The following DENND1A variants were observed in gnomAD, a reference collection of about 807,000 sequenced individuals.
The protein encoded by DENND1A is DENN domain containing 1A, also known as DENN domain-containing protein 1A.
A neutral mutation model predicts 113.7 loss-of-function variants in DENND1A; 51 were observed. The ratio of observed to expected loss-of-function variants is 0.45; its 90% CI spans 0.36 to 0.57. DENND1A has a LOEUF of 0.57. Among genes scored for constraint, DENND1A ranks in the 20% least tolerant of loss-of-function variants. The pLI is 0.00. For missense variants in DENND1A, 1,258 were observed against 1,395.9 expected (o/e 0.90, Z 1.57); for synonymous variants, 565 against 570.8 (o/e 0.99, Z 0.14).
chr9:123,880,366 A>C (rs1185000860), intron 1 of DENND1A, among the ~76,000 whole-genome samples: 1 of 152,236 alleles, frequency 6.6e-6, no homozygotes, highest in Admixed American at 6.5e-5. Flanking sequence ...GATAATAAGA[A>C]TACTGTGGTT....
chr9:123,522,613 C>G (rs899542952), intron 13 of DENND1A, among the ~76,000 whole-genome samples: 1 of 152,162 alleles, frequency 6.6e-6, no homozygotes, highest in Admixed American at 6.5e-5. Context: ...CAATCAATGT[C>G]CATACTTCAC....
At chr9:123,614,776 C>T (rs1451859019) in intron 10 of DENND1A, among the ~76,000 whole-genome samples, 3 of 152,188 alleles carry the variant, frequency 2.0e-5, no homozygotes, top group Non-Finnish European at 4.4e-5. Flanking sequence ...ATATACACAT[C>T]ACAGTGTCAC....
chr9:123,460,076 T>C (rs563221651), intron 13 of DENND1A, among the ~76,000 whole-genome samples: 37 of 152,318 alleles, frequency 2.4e-4, no homozygotes, highest in Admixed American at 6.5e-4. Flanking sequence ...ATGTCCTATG[T>C]GGCATCTAAG....
At chr9:123,449,108 G>C (rs1479280819) in intron 18 of DENND1A, among the ~76,000 whole-genome samples, 1 of 152,164 alleles carries the variant, frequency 6.6e-6, no homozygotes, top group Non-Finnish European at 1.5e-5. Context: ...GGCTCAAGGT[G>C]GCCCTGGGCA....
intron 1 of DENND1A, among the ~76,000 whole-genome samples, chr9:123,903,099 G>A (rs1210588017): frequency 1.3e-4 from 19 of 151,946 alleles, no homozygotes; most frequent in Admixed American, 3.3e-4. Flanking sequence ...TTGGGAGGCC[G>A]AGGCAGGCGG....
At chr9:123,525,697 C>G (rs2054775052) in intron 13 of DENND1A, among the ~76,000 whole-genome samples, 1 of 152,010 alleles carries the variant, frequency 6.6e-6, no homozygotes, top group African/African-American at 2.4e-5. Flanking sequence ...ATGGGTAAAT[C>G]CCCCAGCATT....
intron 2 of DENND1A, among the ~76,000 whole-genome samples, chr9:123,864,817 T>C (rs1845594351): frequency 6.6e-6 from 1 of 152,164 alleles, no homozygotes; most frequent in Non-Finnish European, 1.5e-5. Context: ...AATCAAAATA[T>C]CTAGGTTCTC....
intron 18 of DENND1A, among the ~76,000 whole-genome samples, chr9:123,448,312 G>T (rs1450333997): frequency 1.3e-5 from 2 of 152,234 alleles, no homozygotes; most frequent in African/African-American, 2.4e-5. Flanking sequence ...GTTATTTGCA[G>T]AAATGTTACT....
chr9:123,545,486 A>G (rs1431157115), intron 13 of DENND1A, among the ~76,000 whole-genome samples: 1 of 149,982 alleles, frequency 6.7e-6, no homozygotes, highest in Non-Finnish European at 1.5e-5. Context: ...TTTTTTTTTG[A>G]GACAGAGTCT....
intron 3 of DENND1A, among the ~76,000 whole-genome samples, chr9:123,783,984 A>G (rs1831726326): frequency 6.6e-6 from 1 of 152,236 alleles, no homozygotes; most frequent in Admixed American, 6.5e-5. Context: ...CAAGTTTCAC[A>G]GAGAAGGTGA....
chr9:123,879,895 G>C lies in DENND1A; in HGVS notation c.18-874C>G, dbSNP rs577876014. ...TGTTCCCACATAGCTATATAACCTTGATAAGTTCACGATCTTCAGGATTCA... is the reference window on the plus strand; with the variant it reads ...TGTTCCCACATAGCTATATAACCTTCATAAGTTCACGATCTTCAGGATTCA... On this transcript the variant is annotated intron_variant, in intron 1 of 23. Coordinates refer to ENST00000394215, the MANE Select transcript of DENND1A (RefSeq NM_001352964.2). 4.3e-4 allele frequency among the ~76,000 whole-genome samples: 66 copies of C among 152,332 alleles called. 1 individual carries two copies. Among genetic ancestry groups the C allele is most frequent in the Admixed American group, 1.0e-3 (16 of 15,302 alleles).
At chr9:123,596,105 G>T (rs1302653949) in intron 11 of DENND1A, among the ~76,000 whole-genome samples, 1 of 152,222 alleles carries the variant, frequency 6.6e-6, no homozygotes, top group Non-Finnish European at 1.5e-5. Context: ...CATAAGATGA[G>T]AAGCATGGCC....
intron 2 of DENND1A, among the ~76,000 whole-genome samples, chr9:123,811,556 A>G (rs913149801): frequency 6.6e-6 from 1 of 152,190 alleles, no homozygotes; most frequent in African/African-American, 2.4e-5. Context: ...TCAGGAGATC[A>G]AGACCATTGT....
At chr9:123,468,182 G>C (rs2133276429) in intron 13 of DENND1A, among the ~76,000 whole-genome samples, 1 of 152,212 alleles carries the variant, frequency 6.6e-6, no homozygotes, top group Admixed American at 6.5e-5. Flanking sequence ...TGCCACCCTG[G>C]GGAAGTGACT....
chr9:123,892,848 C>A (rs540963187), intron 1 of DENND1A, among the ~76,000 whole-genome samples: 1 of 151,892 alleles, frequency 6.6e-6, no homozygotes, highest in Non-Finnish European at 1.5e-5. Context: ...CGGGTGTGGT[C>A]GTGGGCACCT....
At chr9:123,397,321 AT>A (rs1240656836) in intron 21 of DENND1A, among the ~76,000 whole-genome samples, 1 of 152,150 alleles carries the variant, frequency 6.6e-6, no homozygotes, top group Non-Finnish European at 1.5e-5. Flanking sequence ...AGACCGGCTG[AT>A]TTTTGTATGT....
At position 123,661,004 on chromosome 9, in the gene DENND1A, C is replaced by T. The variant is rs961191935; in HGVS notation, c.507+6022G>A. Among the ~76,000 whole-genome samples the T allele has an allele frequency of 2.6e-5, 4 of 152,202 alleles. No homozygotes were observed. In the South Asian group the frequency reaches 8.3e-4, roughly 31 times the overall value. Reference sequence around the variant, plus strand: ...TATCCTACGATGTATAAAACAGCCCCATTCAACAAAGAATGATCTGGCCCA... The same window carrying T: ...TATCCTACGATGTATAAAACAGCCCTATTCAACAAAGAATGATCTGGCCCA... On this transcript the variant is annotated intron_variant, in intron 8 of 23. Coordinates refer to ENST00000394215, the MANE Select transcript of DENND1A (RefSeq NM_001352964.2).
At chr9:123,761,318 T>C (rs538909746) in intron 4 of DENND1A, among the ~76,000 whole-genome samples, 5 of 152,328 alleles carry the variant, frequency 3.3e-5, no homozygotes, top group African/African-American at 1.2e-4. Flanking sequence ...AAGGATGTTT[T>C]GAGAATAAAT....
At chr9:123,438,592 TA>T (rs111804031) in intron 19 of DENND1A, among the ~76,000 whole-genome samples, 74 of 146,988 alleles carry the variant, frequency 5.0e-4, no homozygotes, top group Middle Eastern at 3.5e-3. Flanking sequence ...ATGCATGCAT[TA>T]AAAAAAAAAA....
Sources: gnomAD v4.1 joint callset for allele counts (sites outside exome capture counted in the v4.1 genomes callset) on GRCh38, gnomAD v4.1.1 for gene constraint, MANE v1.5 for transcripts, NCBI Gene and HGNC (gene_info 2026-07-23, HGNC 2026-07-21) for gene names.